The following PLXDC2 variants were observed in gnomAD, a reference collection of about 807,000 sequenced individuals.
PLXDC2 encodes the protein plexin domain containing 2.
In PLXDC2, 40 loss-of-function variants were observed where a neutral mutation model predicts 68.9. That is an observed-to-expected ratio of 0.58 (90% CI 0.45 to 0.76). PLXDC2 has a LOEUF of 0.76. Among genes scored for constraint, PLXDC2 ranks in the 30% least tolerant of loss-of-function variants. PLXDC2 has a pLI of 0.00. For synonymous variants in PLXDC2, 243 were observed against 234.2 expected (o/e 1.04, Z -0.34); for missense variants, 644 against 661.9 (o/e 0.97, Z 0.30).
At chr10:20,177,229 GAGGA>G in intron 8 of PLXDC2, 95 bp from the exon 9 acceptor site, 1 of 1,327,290 alleles carries the variant, frequency 7.5e-7, no homozygotes, top group Non-Finnish European at 1.1e-6. Flanking sequence ...TTTTGCTCCT[GAGGA>G]TTAGGGGGCA....
intron 1 of PLXDC2, among the ~76,000 whole-genome samples, chr10:19,929,292 A>G (rs1019740848): frequency 2.0e-5 from 3 of 152,072 alleles, no homozygotes; most frequent in Non-Finnish European, 4.4e-5. Flanking sequence ...TTACTGGGGA[A>G]CTCAAATGGG....
intron 1 of PLXDC2, among the ~76,000 whole-genome samples, chr10:19,834,113 G>C (rs957868424): frequency 2.0e-5 from 3 of 152,142 alleles, no homozygotes; most frequent in Admixed American, 6.6e-5. Flanking sequence ...TTAACTTACA[G>C]AGTCATTTAT....
chr10:19,994,242 A>G (rs1423751504), intron 1 of PLXDC2, among the ~76,000 whole-genome samples: 2 of 107,728 alleles, frequency 1.9e-5, no homozygotes, highest in Non-Finnish European at 3.7e-5. Context: ...ATAGGTTCCC[A>G]TTGTATTCTC....
intron 12 of PLXDC2, among the ~76,000 whole-genome samples, chr10:20,236,085 G>T (rs1835428554): frequency 6.6e-6 from 1 of 152,072 alleles, no homozygotes; most frequent in South Asian, 2.1e-4. Flanking sequence ...TGGGTACTAG[G>T]ATTTTCTTTT....
At chr10:20,030,494 T>C (rs1045569309) in intron 2 of PLXDC2, among the ~76,000 whole-genome samples, 1 of 152,176 alleles carries the variant, frequency 6.6e-6, no homozygotes, top group Non-Finnish European at 1.5e-5. Context: ...GAAAGAGACT[T>C]TATTCCAGTG....
intron 4 of PLXDC2, among the ~76,000 whole-genome samples, chr10:20,103,877 A>G (rs965808763): frequency 6.6e-6 from 1 of 152,176 alleles, no homozygotes; most frequent in Admixed American, 6.5e-5. Context: ...TCCTGACCTC[A>G]GGTGATCCGC....
chr10:19,938,522 A>C (rs994681130), intron 1 of PLXDC2, among the ~76,000 whole-genome samples: 1 of 152,082 alleles, frequency 6.6e-6, no homozygotes, highest in African/African-American at 2.4e-5. Flanking sequence ...GCGGGGGGCT[A>C]TACAATTTGA....
rs6482104 is a variant in PLXDC2, at chr10:20,249,280, A to C, written c.1473+3775A>C. ...AGAGCCTAACATGTGCCTAGAAGTC[A>C]AAAAGGACCTCTTTTCATTCAGATG... On this transcript the variant is annotated intron_variant, in intron 13 of 13. Coordinates refer to ENST00000377252, the MANE Select transcript of PLXDC2 (RefSeq NM_032812.9). 8.5e-3 allele frequency among the ~76,000 whole-genome samples: 1,291 copies of C among 152,320 alleles called. 9 individuals are homozygous for C. The highest frequency in any genetic ancestry group is 0.029 in the African/African-American group (1,224 of 41,568).
intron 1 of PLXDC2, among the ~76,000 whole-genome samples, chr10:19,920,799 C>T (rs1833448832): frequency 6.6e-6 from 1 of 152,226 alleles, no homozygotes; most frequent in East Asian, 1.9e-4. Flanking sequence ...CTCAAGCAAC[C>T]TGCTGGCCTA....
chr10:20,277,332 T>G lies in PLXDC2; in HGVS notation c.1474-2371T>G, dbSNP rs369802648. Among the ~76,000 whole-genome samples, 6 of 151,988 alleles carry G rather than the reference T, an allele frequency of 3.9e-5. No homozygotes were observed. The South Asian group carries it at 8.3e-4, about 21-fold the overall frequency. ...AGGGCCGATTTATATAGATTTCCCT[T>G]AAATATAGGAATTCTAAAAGTTAGC... On this transcript the variant is annotated intron_variant, in intron 13 of 13. Transcript: ENST00000377252.
Position 20,113,906 on chromosome 10 carries a change from A to G in PLXDC2, c.542-29389A>G, listed in dbSNP as rs118143471. Reference sequence around the variant, plus strand: ...TTTGGGAGGCTGAGGTGGGTGGATCACTGAAGGTCAGGAGTTAGAGATCAA... The same window carrying G: ...TTTGGGAGGCTGAGGTGGGTGGATCGCTGAAGGTCAGGAGTTAGAGATCAA... On this transcript the variant is annotated intron_variant, in intron 4 of 13. Transcript: ENST00000377252. 1.7e-3 allele frequency among the ~76,000 whole-genome samples: 253 copies of G among 152,248 alleles called. 7 individuals are homozygous for G. The East Asian group carries it at 0.036, about 22-fold the overall frequency.
At chr10:20,154,352 G>A (rs1834190623) in intron 6 of PLXDC2, among the ~76,000 whole-genome samples, 1 of 152,120 alleles carries the variant, frequency 6.6e-6, no homozygotes, top group African/African-American at 2.4e-5. Flanking sequence ...ATCACTTGAG[G>A]TCAGGAGTTG....
At chr10:19,832,470 A>T (rs142832032) in intron 1 of PLXDC2, among the ~76,000 whole-genome samples, 1 of 152,366 alleles carries the variant, frequency 6.6e-6, no homozygotes, top group East Asian at 1.9e-4. Flanking sequence ...TAAGTTGGAG[A>T]TGATACATGT....
chr10:19,983,848 C>T (rs1404924807), intron 1 of PLXDC2, among the ~76,000 whole-genome samples: 1 of 152,160 alleles, frequency 6.6e-6, no homozygotes, highest in Admixed American at 6.5e-5. Flanking sequence ...TTAACAGTCC[C>T]TCACCTTCCC....
chr10:19,983,982 G>C (rs981478759), intron 1 of PLXDC2, among the ~76,000 whole-genome samples: 3 of 152,160 alleles, frequency 2.0e-5, no homozygotes, highest in Non-Finnish European at 4.4e-5. Flanking sequence ...CAAACTATAG[G>C]GTGATACGTC....
chr10:20,238,117 A>G (rs566827171), intron 12 of PLXDC2, among the ~76,000 whole-genome samples: 1 of 151,336 alleles, frequency 6.6e-6, no homozygotes, highest in South Asian at 2.1e-4. Flanking sequence ...TAGAGTTTTA[A>G]AATTAAATGC....
chr10:20,231,740 G>A (rs1055596884), intron 12 of PLXDC2, among the ~76,000 whole-genome samples: 2 of 152,026 alleles, frequency 1.3e-5, no homozygotes, highest in Admixed American at 1.3e-4. Context: ...CTGGAGCTGG[G>A]CACAGTGGCT....
At chr10:19,876,842 C>A (rs12573396) in intron 1 of PLXDC2, among the ~76,000 whole-genome samples, 5,504 of 152,036 alleles carry the variant, frequency 0.036, 188 homozygotes, top group East Asian at 0.14. Flanking sequence ...TAAATATTAT[C>A]TTTTGGCTAG....
intron 1 of PLXDC2, among the ~76,000 whole-genome samples, chr10:19,830,050 A>C (rs1260241004): frequency 6.6e-6 from 1 of 152,204 alleles, no homozygotes; most frequent in Non-Finnish European, 1.5e-5. Context: ...AAAATCTGTT[A>C]ATTTGCTTCT....
Sources: allele counts gnomAD v4.1 joint callset (sites outside exome capture counted in the v4.1 genomes callset), GRCh38; gene constraint gnomAD v4.1.1; transcripts MANE v1.5; gene names NCBI Gene and HGNC (gene_info 2026-07-23, HGNC 2026-07-21).